GUCY2C: variants seen among roughly 807,000 people sequenced by gnomAD.
GUCY2C encodes guanylate cyclase 2C.
A neutral mutation model predicts 131.1 loss-of-function variants in GUCY2C; 118 were observed. That is an observed-to-expected ratio of 0.90 (90% CI 0.78 to 1.05). GUCY2C has a LOEUF of 1.05. Among genes scored for constraint, GUCY2C ranks in the 50% least tolerant of loss-of-function variants. The pLI, the probability that GUCY2C is intolerant of heterozygous loss-of-function variation, is 0.00. For synonymous variants in GUCY2C, 452 were observed against 457.8 expected (o/e 0.99, Z 0.16); for missense variants, 1,161 against 1,304.4 (o/e 0.89, Z 1.69).
Position 14,653,005 on chromosome 12 carries a change from C to G in GUCY2C, c.1480G>C (p.Asp494His). 6.2e-7 allele frequency: 1 copy of G among 1,610,340 alleles called. No individual in the cohort carries two copies. The highest frequency in any genetic ancestry group is 8.5e-7 in the Non-Finnish European group (1 of 1,176,578). ...TNHVSLKIDD[D>H]KRRDTIQRLR... ...CTCTGGATTGTATCTCGTCTTTTGT[C>G]ATCATCGATCTGGCACAAGAAAAGG... Residue 494 changes from aspartate to histidine, a missense_variant, in exon 13 of 27, where the codon GAC (aspartate) becomes CAC (histidine). Asp to His is a moderately conservative substitution (Grantham distance 81). Coordinates refer to ENST00000261170, the MANE Select transcript of GUCY2C (RefSeq NM_004963.4).
chr12:14,641,286 T>C (rs908692037), intron 17 of GUCY2C, 67 bp from the exon 18 acceptor site: 1 of 1,478,246 alleles, frequency 6.8e-7, no homozygotes, highest in African/African-American at 1.4e-5. Context: ...TCCAACCTGC[T>C]TTTGCTCTCT....
At chr12:14,675,297 C>A (rs1429933646) in intron 7 of GUCY2C, among the ~76,000 whole-genome samples, 19 of 144,532 alleles carry the variant, frequency 1.3e-4, no homozygotes, top group African/African-American at 4.3e-4. Flanking sequence ...TCCCATGTCA[C>A]AATTCTGTCT....
chr12:14,671,417 G>A (rs1422146647), intron 9 of GUCY2C, among the ~76,000 whole-genome samples: 3 of 151,966 alleles, frequency 2.0e-5, no homozygotes, highest in Non-Finnish European at 4.4e-5. Context: ...GGAATACAGG[G>A]GTGAGCCACT....
rs115338911 is a variant in GUCY2C, at chr12:14,647,749, T to G, written c.1711-2434A>C. Among the ~76,000 whole-genome samples, 1,128 of 152,194 alleles carry G rather than the reference T, an allele frequency of 7.4e-3. 23 individuals are homozygous for G. Among genetic ancestry groups the G allele is most frequent in the African/African-American group, 0.026 (1,090 of 41,516 alleles). On this transcript the variant is annotated intron_variant, in intron 15 of 26. Coordinates refer to ENST00000261170, the MANE Select transcript of GUCY2C (RefSeq NM_004963.4). ...CACGTTGAGTATTTTCAAATAAATA[T>G]TTTTGTTAAAAATATTAAGGAGGAT...
Position 14,616,665 on chromosome 12 carries a change from G to A in GUCY2C, c.2938C>T (p.Leu980Phe). 6.2e-7 allele frequency: 1 copy of A among 1,602,686 alleles called. No individual in the cohort carries two copies. The highest frequency in any genetic ancestry group is 8.5e-7 in the Non-Finnish European group (1 of 1,169,798). Residue 980 changes from leucine to phenylalanine, a missense_variant, in exon 25 of 27, where the codon CTT becomes TTT. Transcript: ENST00000261170. ...AILKRTECQFLYEVRGETYLK... is the reference protein window; with the variant it reads ...AILKRTECQFFYEVRGETYLK... ...TATGTTTCTCCTCTCACTTCATAAA[G>A]GAACTGGCACTCAGTTCTCTTCAGG...
intron 22 of GUCY2C, among the ~76,000 whole-genome samples, 171 bp from the exon 23 acceptor site, chr12:14,621,387 A>C (rs981411353): frequency 1.3e-5 from 2 of 152,178 alleles, no homozygotes; most frequent in African/African-American, 2.4e-5. Flanking sequence ...TGATTTCTTC[A>C]GGGTTTTTAT....
At chr12:14,687,360 C>T (rs1948491204) in intron 2 of GUCY2C, among the ~76,000 whole-genome samples, 2 of 152,170 alleles carry the variant, frequency 1.3e-5, no homozygotes, top group African/African-American at 4.8e-5. Context: ...TGGCTCATGC[C>T]TGTAATTCCA....
chr12:14,690,792 C>T (rs922657055), intron 1 of GUCY2C, among the ~76,000 whole-genome samples: 2 of 152,126 alleles, frequency 1.3e-5, no homozygotes, highest in East Asian at 1.9e-4. Context: ...CCGCCCGCCT[C>T]GGCCTCCCAA....
At chr12:14,618,149 C>G (rs1946808528) in intron 24 of GUCY2C, among the ~76,000 whole-genome samples, 1 of 152,182 alleles carries the variant, frequency 6.6e-6, no homozygotes, top group Admixed American at 6.6e-5. Context: ...GTGCCTCTAC[C>G]TTGCCAAGCA....
intron 11 of GUCY2C, among the ~76,000 whole-genome samples, chr12:14,657,058 C>T (rs182505934): frequency 4.6e-5 from 7 of 152,304 alleles, no homozygotes; most frequent in South Asian, 2.1e-4. Flanking sequence ...CAGGCGGTAC[C>T]GCTCGCTCAC....
At position 14,653,016 on chromosome 12, in the gene GUCY2C, T is replaced by G; in HGVS notation, c.1471-2A>C. The G allele has an allele frequency of 6.2e-7, 1 of 1,608,052 alleles. No individual in the cohort carries two copies. Among genetic ancestry groups the G allele is most frequent in the Non-Finnish European group, 8.5e-7 (1 of 1,174,468 alleles). Reference sequence around the variant, plus strand: ...ATCTCGTCTTTTGTCATCATCGATCTGGCACAAGAAAAGGCTAATTATTCC... The same window carrying G: ...ATCTCGTCTTTTGTCATCATCGATCGGGCACAAGAAAAGGCTAATTATTCC... On this transcript the variant is annotated splice_acceptor_variant, in intron 12 of 26. Transcript: ENST00000261170. LOFTEE classifies it high-confidence loss of function.
chr12:14,641,237 G>T lies in GUCY2C; in HGVS notation c.1931-18C>A. 6.2e-7 allele frequency: 1 copy of T among 1,612,080 alleles called. No homozygotes were observed. Among genetic ancestry groups the T allele is most frequent in the South Asian group, 1.1e-5 (1 of 90,994 alleles). On this transcript the variant is annotated intron_variant, in intron 17 of 26. Transcript: ENST00000261170. ...CCACAGGTCTGTAAATGTAGACATT[G>T]AGATTACAAAGTTGAGGGGGGTGAG...
Position 14,613,206 on chromosome 12 carries a change from G to A in GUCY2C, c.3133C>T (p.Gln1045Ter). 1 of 1,613,400 alleles carries A rather than the reference G, an allele frequency of 6.2e-7. No homozygotes were observed. Among genetic ancestry groups the A allele is most frequent in the Non-Finnish European group, 8.5e-7 (1 of 1,179,516 alleles). ...TAGCTGGCTACCCGTCTGGGTTTTT[G>A]GCTTCTTATCCCTGCTGCCTGTCTT... is the stretch of plus-strand genomic sequence containing the variant. ...QKRQAAGIRS[Q>*]KPRRVASYKK... Residue 1045 changes from glutamine (Q) to a stop codon, truncating the protein, a stop_gained, in exon 27 of 27, where the codon CAA becomes TAA. Coordinates refer to ENST00000261170, the MANE Select transcript of GUCY2C (RefSeq NM_004963.4). LOFTEE classifies it high-confidence loss of function. This position sits in a 1 kb window ranked among gnomAD's most constrained non-coding sequence, Gnocchi z 4.9.
chr12:14,634,967 G>A (rs749609953), intron 19 of GUCY2C, among the ~76,000 whole-genome samples: 3 of 152,066 alleles, frequency 2.0e-5, no homozygotes, highest in Non-Finnish European at 2.9e-5. Flanking sequence ...GACATTTAAA[G>A]CAAATACTAT....
Position 14,622,185 on chromosome 12 carries a change from C to A in GUCY2C, c.2421G>T (p.Lys807Asn), listed in dbSNP as rs1371239917. 1 of 1,540,968 alleles carries A rather than the reference C, an allele frequency of 6.5e-7. No individual in the cohort carries two copies. ...NFMLLPRLVV[K>N]SLKEKGFVEP... is the part of the protein sequence containing the mutation. ...CCACAAAGCCTTTCTCCTTCAGAGACTTTACCACTAGCCTAGATGAACGAA... is the reference window on the plus strand; with the variant it reads ...CCACAAAGCCTTTCTCCTTCAGAGAATTTACCACTAGCCTAGATGAACGAA... The change falls in exon 22 of 27, where the codon AAG (lysine) becomes AAT (asparagine). Residue 807 changes from lysine (K) to asparagine (N), a missense_variant. By Grantham distance (94) the Lys-to-Asn change is moderately conservative. Coordinates refer to ENST00000261170, the MANE Select transcript of GUCY2C (RefSeq NM_004963.4).
intron 19 of GUCY2C, among the ~76,000 whole-genome samples, chr12:14,636,618 T>A (rs1178006623): frequency 6.6e-6 from 1 of 152,106 alleles, no homozygotes; most frequent in African/African-American, 2.4e-5. Context: ...CTATTCAACA[T>A]AGTACTGAAA....
chr12:14,628,717 G>GT lies in GUCY2C; in HGVS notation c.2177dup (p.Asn726LysfsTer17), dbSNP rs772079572. ...TCTTTTCTGGATCTTCCTCCCAACAGTTTTTTACAAGTAGGTACACCTGGA... is the reference window on the plus strand; with the variant it reads ...TCTTTTCTGGATCTTCCTCCCAACAGTTTTTTTACAAGTAGGTACACCTGGA... On this transcript the variant is annotated frameshift_variant, in exon 20 of 27. Transcript: ENST00000261170. LOFTEE classifies it high-confidence loss of function. 6 of 1,588,520 alleles carry GT rather than the reference G, an allele frequency of 3.8e-6. No homozygotes were observed. The South Asian group carries it at 6.6e-5, about 18-fold the overall frequency.
Position 14,628,673 on chromosome 12 carries a change from AT to A in GUCY2C, c.2221del (p.Ile741LeufsTer24), listed in dbSNP as rs1565608514. On this transcript the variant is annotated frameshift_variant, in exon 20 of 27. Transcript: ENST00000261170. LOFTEE classifies it high-confidence loss of function. ...AAATATCTTGGCAAGTGTAGTCTCA[AT>A]TTTTTTGAAATCTGGTCTCTTTTCT... is the stretch of plus-strand genomic sequence containing the variant. ...DPEKRPDFKK[I>X]ETTLAKIFGL... 9.5e-6 allele frequency: 15 copies of A among 1,586,038 alleles called. No individual in the cohort carries two copies. Among genetic ancestry groups the A allele is most frequent in the Non-Finnish European group, 1.1e-5 (13 of 1,154,798 alleles).
At chr12:14,629,776 A>G (rs944751428) in intron 19 of GUCY2C, among the ~76,000 whole-genome samples, 1 of 152,214 alleles carries the variant, frequency 6.6e-6, no homozygotes, top group Non-Finnish European at 1.5e-5. Flanking sequence ...GCATCTGCAC[A>G]ATTTCTTATG....
Sources: gnomAD v4.1 joint callset for allele counts (sites outside exome capture counted in the v4.1 genomes callset) on GRCh38, gnomAD v4.1.1 for gene constraint, Gnocchi (gnomAD v3.1) non-coding constraint, MANE v1.5 for transcripts, NCBI Gene and HGNC (gene_info 2026-07-23, HGNC 2026-07-21) for gene names.